MAP3K8: variants seen among roughly 807,000 people sequenced by gnomAD.
The protein encoded by MAP3K8 is mitogen-activated protein kinase kinase kinase 8.
MAP3K8 carries 22 observed loss-of-function variants against 45.8 expected under a neutral mutation model. The ratio of observed to expected loss-of-function variants is 0.48; its 90% CI spans 0.34 to 0.69. The LOEUF (loss-of-function observed/expected upper bound fraction) is 0.69, where lower values mean the gene tolerates loss of function less well. MAP3K8 is among the 30% of genes least tolerant of loss of function. The pLI, the probability that MAP3K8 is intolerant of heterozygous loss-of-function variation, is 0.01. For synonymous variants in MAP3K8, 223 were observed against 214.3 expected (o/e 1.04, Z -0.36); for missense variants, 419 against 585.0 (o/e 0.72, Z 2.93).
intron 3 of MAP3K8, among the ~76,000 whole-genome samples, chr10:30,440,114 A>G (rs968533581): frequency 6.6e-6 from 1 of 152,258 alleles, no homozygotes; most frequent in African/African-American, 2.4e-5. Flanking sequence ...AAGTATGCAA[A>G]TCATGCAAAA....
At chr10:30,438,499 G>T (rs1171466217) in intron 2 of MAP3K8, among the ~76,000 whole-genome samples, 1 of 152,194 alleles carries the variant, frequency 6.6e-6, no homozygotes, top group Non-Finnish European at 1.5e-5. Flanking sequence ...AAGCCATAGC[G>T]ATTCTTGCAG....
At chr10:30,443,625 G>T (rs575965731) in intron 3 of MAP3K8, among the ~76,000 whole-genome samples, 2 of 152,292 alleles carry the variant, frequency 1.3e-5, no homozygotes, top group East Asian at 3.9e-4. Context: ...AGCTAGCTTG[G>T]CCTTTGTGCT....
At chr10:30,450,124 AGTCC>A in intron 4 of MAP3K8, 130 bp from the exon 5 acceptor site, 1 of 675,928 alleles carries the variant, frequency 1.5e-6, no homozygotes, top group South Asian at 2.3e-5. Flanking sequence ...GTAACTGGGC[AGTCC>A]ATTTTCACAC....
intron 1 of MAP3K8, among the ~76,000 whole-genome samples, chr10:30,436,198 A>G (rs1426693424): frequency 6.6e-6 from 1 of 152,224 alleles, no homozygotes; most frequent in Non-Finnish European, 1.5e-5. Flanking sequence ...AAACGTCTTT[A>G]TTGCCAAACT....
At chr10:30,445,914 C>T (rs1440263010) in intron 3 of MAP3K8, among the ~76,000 whole-genome samples, 1 of 152,166 alleles carries the variant, frequency 6.6e-6, no homozygotes, top group African/African-American at 2.4e-5. Context: ...ACTGAATGGC[C>T]CTTACAGTTA....
intron 4 of MAP3K8, among the ~76,000 whole-genome samples, chr10:30,448,813 C>A (rs767620575): frequency 2.6e-5 from 4 of 152,028 alleles, no homozygotes; most frequent in Non-Finnish European, 5.9e-5. Context: ...GCATTCACAC[C>A]CCCTATGACT....
At chr10:30,452,806 G>C (rs1836595664) in intron 6 of MAP3K8, among the ~76,000 whole-genome samples, 1 of 151,576 alleles carries the variant, frequency 6.6e-6, no homozygotes, top group Non-Finnish European at 1.5e-5. Flanking sequence ...CTCCTGAGTA[G>C]TTGAGATTAC....
At chr10:30,458,033 A>G in intron 6 of MAP3K8, 51 bp from the exon 7 acceptor site, 5 of 1,384,504 alleles carry the variant, frequency 3.6e-6, no homozygotes, top group Non-Finnish European at 4.8e-6. Flanking sequence ...GGAAATGGAA[A>G]CCCACACAAA....
chr10:30,439,670 A>G (rs191719861), intron 3 of MAP3K8, among the ~76,000 whole-genome samples: 2 of 152,206 alleles, frequency 1.3e-5, no homozygotes, highest in Admixed American at 6.5e-5. Context: ...TTAGCCTGGC[A>G]TGGTGGCGGG....
chr10:30,460,689 A>T lies in MAP3K8; in HGVS notation c.1274-17A>T, dbSNP rs199944980. On this transcript the variant is annotated splice_polypyrimidine_tract_variant and intron_variant, in intron 8 of 8. Transcript: ENST00000263056. ...CACGTTTTCTTGTTACTTACTTTGT[A>T]ATGTTTTCCTTTTCAGATTCTTCGT... 2.0e-5 allele frequency: 32 copies of T among 1,594,378 alleles called. No individual in the cohort carries two copies. The highest frequency in any genetic ancestry group is 2.7e-5 in the Non-Finnish European group (32 of 1,169,124).
chr10:30,457,753 C>T (rs1473928602), intron 6 of MAP3K8, among the ~76,000 whole-genome samples: 4 of 152,212 alleles, frequency 2.6e-5, no homozygotes, highest in African/African-American at 9.6e-5. Flanking sequence ...TCAAGCGATT[C>T]TCCTTGCCTC....
At chr10:30,435,433 C>T (rs190177624) in intron 1 of MAP3K8, among the ~76,000 whole-genome samples, 1 of 152,170 alleles carries the variant, frequency 6.6e-6, no homozygotes, top group African/African-American at 2.4e-5. Flanking sequence ...AGTGTCGGTC[C>T]TTCCTTCCAT....
At chr10:30,443,078 G>A (rs1371421167) in intron 3 of MAP3K8, among the ~76,000 whole-genome samples, 1 of 152,072 alleles carries the variant, frequency 6.6e-6, no homozygotes, top group Non-Finnish European at 1.5e-5. Context: ...TGACCGTTTA[G>A]TGCAAGCCCT....
Position 30,458,185 on chromosome 10 carries a change from A to C in MAP3K8, c.975A>C (p.Pro325=), listed in dbSNP as rs772839631. Residue 325 remains proline (P), a synonymous_variant, in exon 7 of 9, where the codon CCA becomes CCC. Transcript: ENST00000263056. ...TCATCCACATGCAGACGGGCACCCC[A>C]CCCTGGGTGAAGCGCTACCCTCGCT... The part of the protein sequence containing the change: ...ATLIHMQTGT[P]PWVKRYPRSA... 4 of 1,558,610 alleles carry C rather than the reference A, an allele frequency of 2.6e-6. No homozygotes were observed. Among genetic ancestry groups the C allele is most frequent in the Non-Finnish European group, 3.5e-6 (4 of 1,148,660 alleles).
At chr10:30,442,891 G>A (rs928063001) in intron 3 of MAP3K8, among the ~76,000 whole-genome samples, 9 of 152,120 alleles carry the variant, frequency 5.9e-5, no homozygotes, top group African/African-American at 9.7e-5. Context: ...CCAGCCCTCC[G>A]TCTAGTACTC....
chr10:30,436,383 G>T (rs1835908167), intron 1 of MAP3K8, among the ~76,000 whole-genome samples: 1 of 152,160 alleles, frequency 6.6e-6, no homozygotes, highest in Non-Finnish European at 1.5e-5. Context: ...TTGCGTGACA[G>T]GGGCCCTGTG....
chr10:30,450,754 C>A (rs571979846), intron 5 of MAP3K8: 12 of 507,796 alleles, frequency 2.4e-5, no homozygotes, highest in Non-Finnish European at 3.2e-5. Context: ...AGCTACATAC[C>A]TATTAGGTAC....
intron 8 of MAP3K8, 81 bp from the exon 9 acceptor site, chr10:30,460,625 T>C: frequency 8.3e-7 from 1 of 1,207,296 alleles, no homozygotes; most frequent in South Asian, 1.5e-5. Context: ...GCCCCAAAGA[T>C]TTATTTCACT....
intron 7 of MAP3K8, 36 bp from the exon 8 acceptor site, chr10:30,459,219 A>G: frequency 2.5e-6 from 4 of 1,613,378 alleles, no homozygotes; most frequent in Non-Finnish European, 3.4e-6. Flanking sequence ...GTGTATCACC[A>G]TACCTTTGAT....
Sources: allele counts gnomAD v4.1 joint callset (sites outside exome capture counted in the v4.1 genomes callset), GRCh38; gene constraint gnomAD v4.1.1; transcripts MANE v1.5; gene names NCBI Gene and HGNC (gene_info 2026-07-23, HGNC 2026-07-21).